The following RFX4 variants were observed in gnomAD, a reference collection of about 807,000 sequenced individuals.
RFX4 encodes transcription factor RFX4.
Under a neutral mutation model 95.0 loss-of-function variants are expected in RFX4, and 10 were observed. The observed-to-expected ratio is 0.11, with a 90% confidence interval of 0.06 to 0.18. RFX4 has a LOEUF of 0.18. Among genes scored for constraint, RFX4 ranks in the 10% least tolerant of loss-of-function variants. The pLI is 1.00. For missense variants in RFX4, 640 were observed against 922.0 expected (o/e 0.69, Z 3.96); for synonymous variants, 321 against 340.7 (o/e 0.94, Z 0.64).
intron 15 of RFX4, among the ~76,000 whole-genome samples, chr12:106,734,439 T>C (rs1356618804): frequency 1.3e-5 from 2 of 151,520 alleles, no homozygotes; most frequent in Non-Finnish European, 2.9e-5. Flanking sequence ...CTACTAAAAA[T>C]ACAAAAATTA....
At chr12:106,743,463 T>C (rs1314297775) in intron 15 of RFX4, among the ~76,000 whole-genome samples, 4 of 152,140 alleles carry the variant, frequency 2.6e-5, no homozygotes, top group Admixed American at 2.6e-4. Context: ...CCTGCCTGAG[T>C]GGATGTGTTA....
Position 106,715,540 on chromosome 12 carries a change from C to T in RFX4, c.1134C>T (p.Thr378=), listed in dbSNP as rs2137513507. 3 of 1,613,778 alleles carry T rather than the reference C, an allele frequency of 1.9e-6. No homozygotes were observed. The highest frequency in any genetic ancestry group is 2.7e-5 in the African/African-American group (2 of 75,010). Residue 378 remains threonine, a synonymous_variant, in exon 11 of 18, where the codon ACC becomes ACT. Transcript: ENST00000392842. ...GCGATGAGCACCGGAAACTCATCAC[C>T]CAATGTAAGCTGTCCCACCAGGGAT... is the stretch of plus-strand genomic sequence containing the variant. ...DSRDEHRKLI[T]QLYQEFDHLL...
chr12:106,621,759 C>G (rs963022401), intron 2 of RFX4, among the ~76,000 whole-genome samples: 1 of 152,182 alleles, frequency 6.6e-6, no homozygotes, highest in Admixed American at 6.5e-5. Context: ...AGACTATACT[C>G]TTTGCTTGGG....
intron 2 of RFX4, among the ~76,000 whole-genome samples, chr12:106,617,212 G>T (rs1363407973): frequency 6.6e-6 from 1 of 152,012 alleles, no homozygotes; most frequent in African/African-American, 2.4e-5. Flanking sequence ...TGGGTTTGTT[G>T]TTTTTCTCAA....
chr12:106,646,431 CAA>C (rs56305939), intron 3 of RFX4, among the ~76,000 whole-genome samples: 520 of 66,212 alleles, frequency 7.9e-3, no homozygotes, highest in East Asian at 0.024. Flanking sequence ...TAGTTTTATC[CAA>C]AAAAAAAAAA....
chr12:106,697,690 A>AATCTCTAAT (rs1342424814), intron 8 of RFX4, among the ~76,000 whole-genome samples: 3 of 152,046 alleles, frequency 2.0e-5, no homozygotes, highest in Admixed American at 2.0e-4. Flanking sequence ...CTTGGCTTGC[A>AATCTCTAAT]GACGCATCAC....
chr12:106,597,873 T>C (rs2039644640), intron 1 of RFX4, among the ~76,000 whole-genome samples: 1 of 151,952 alleles, frequency 6.6e-6, no homozygotes, highest in South Asian at 2.1e-4. Flanking sequence ...AAAAAGGTGG[T>C]TGGGATGGGG....
At chr12:106,707,744 A>C (rs2042112441) in intron 8 of RFX4, among the ~76,000 whole-genome samples, 1 of 152,144 alleles carries the variant, frequency 6.6e-6, no homozygotes, top group African/African-American at 2.4e-5. Context: ...TGTGGGAGAA[A>C]GGGCAGTGGC....
At chr12:106,639,440 C>T in intron 3 of RFX4, 48 bp downstream of exon 3, 1 of 1,525,566 alleles carries the variant, frequency 6.6e-7, no homozygotes, top group African/African-American at 1.4e-5. Context: ...ATGCTCATAT[C>T]TTCTTGTCTA....
At chr12:106,594,315 C>A (rs140039109) in intron 1 of RFX4, among the ~76,000 whole-genome samples, 2 of 152,228 alleles carry the variant, frequency 1.3e-5, no homozygotes, top group East Asian at 3.9e-4. Context: ...AAGCGTCGAG[C>A]GGTTGTTGTG....
chr12:106,615,693 C>T (rs1211207943), intron 2 of RFX4, among the ~76,000 whole-genome samples: 2 of 152,130 alleles, frequency 1.3e-5, no homozygotes, highest in African/African-American at 2.4e-5. Flanking sequence ...AGATTTTACA[C>T]ATCTTTCTTT....
At chr12:106,593,021 C>T (rs780975713) in intron 1 of RFX4, among the ~76,000 whole-genome samples, 5 of 152,124 alleles carry the variant, frequency 3.3e-5, no homozygotes, top group Admixed American at 1.3e-4. Flanking sequence ...CGGGAGATTA[C>T]GGAGTTTATG....
chr12:106,688,975 A>G (rs527442387), intron 6 of RFX4, among the ~76,000 whole-genome samples: 22 of 152,310 alleles, frequency 1.4e-4, no homozygotes, highest in South Asian at 1.2e-3. Flanking sequence ...AGCATGAATA[A>G]GATACCATTT....
intron 3 of RFX4, 130 bp downstream of exon 3, chr12:106,639,522 T>A: frequency 1.2e-6 from 1 of 811,708 alleles, no homozygotes; most frequent in Non-Finnish European, 1.9e-6. Context: ...GAAATCTATT[T>A]AATTTGCAGT....
chr12:106,597,252 T>C (rs958084787), intron 1 of RFX4, among the ~76,000 whole-genome samples: 2 of 152,322 alleles, frequency 1.3e-5, no homozygotes, highest in Admixed American at 6.5e-5. Context: ...GTAGTTTTTT[T>C]TTTTAATAGG....
intron 15 of RFX4, among the ~76,000 whole-genome samples, chr12:106,735,807 TAAAG>T (rs1566000201): frequency 1.3e-5 from 2 of 151,966 alleles, no homozygotes; most frequent in African/African-American, 2.4e-5. Context: ...AACACAAGGA[TAAAG>T]AAAAGTACAG....
chr12:106,667,472 C>A (rs555567644), intron 4 of RFX4, among the ~76,000 whole-genome samples: 6 of 152,344 alleles, frequency 3.9e-5, no homozygotes, highest in African/African-American at 1.4e-4. Flanking sequence ...ACTGTGGGAA[C>A]CTGGTCAAGC....
chr12:106,715,319 C>T, intron 10 of RFX4, 81 bp from the exon 11 acceptor site: 1 of 1,483,508 alleles, frequency 6.7e-7, no homozygotes. Flanking sequence ...TAAGCAGATG[C>T]ATTAACAAGG....
intron 1 of RFX4, among the ~76,000 whole-genome samples, 160 bp from the exon 2 acceptor site, chr12:106,608,637 A>G (rs1466734193): frequency 2.6e-5 from 4 of 152,236 alleles, no homozygotes; most frequent in African/African-American, 7.2e-5. Context: ...AACTCCATGC[A>G]AAATCCCATT....
Sources: gnomAD v4.1 joint callset for allele counts (sites outside exome capture counted in the v4.1 genomes callset) on GRCh38, gnomAD v4.1.1 for gene constraint, MANE v1.5 for transcripts, NCBI Gene and HGNC (gene_info 2026-07-23, HGNC 2026-07-21) for gene names.